Variants in SLC23A2 observed in about 807,000 individuals in gnomAD.
The protein encoded by SLC23A2 is solute carrier family 23 member 2, also known as Na(+)/L-ascorbic acid transporter 2.
Under a neutral mutation model 73.3 loss-of-function variants are expected in SLC23A2, and 36 were observed. The observed-to-expected ratio is 0.49, with a 90% CI of 0.38 to 0.65. The LOEUF is 0.65. Ranked by LOEUF, SLC23A2 falls within the 30% of genes least tolerant of loss-of-function variation. The probability of loss-of-function intolerance (pLI) is 0.00; values close to 1 mark genes in which losing one functional copy is unlikely to be tolerated. For missense variants in SLC23A2, 507 were observed against 841.6 expected (o/e 0.60, Z 4.92); for synonymous variants, 343 against 327.3 (o/e 1.05, Z -0.52).
At chr20:4,944,281 C>G (rs562454797) in intron 2 of SLC23A2, among the ~76,000 whole-genome samples, 24 of 152,226 alleles carry the variant, frequency 1.6e-4, no homozygotes, top group Admixed American at 1.3e-3. Context: ...GCTCCGTCGC[C>G]CAGGCTGGAG....
At chr20:4,978,649 A>G (rs2087681245) in intron 1 of SLC23A2, among the ~76,000 whole-genome samples, 1 of 152,218 alleles carries the variant, frequency 6.6e-6, no homozygotes. Context: ...CCCCAGAACC[A>G]GAACCCATAC....
At chr20:4,908,062 A>C (rs1321946410) in intron 4 of SLC23A2, among the ~76,000 whole-genome samples, 1 of 152,240 alleles carries the variant, frequency 6.6e-6, no homozygotes, top group East Asian at 1.9e-4. Context: ...AAAAAGATTA[A>C]AGAGAACTGA....
chr20:4,984,113 G>A (rs1039355547), intron 1 of SLC23A2, among the ~76,000 whole-genome samples: 4 of 152,028 alleles, frequency 2.6e-5, no homozygotes, highest in South Asian at 2.1e-4. Flanking sequence ...TAATTAAATG[G>A]GCAAAGAAAG....
intron 1 of SLC23A2, among the ~76,000 whole-genome samples, chr20:4,989,706 T>C (rs2087894753): frequency 6.6e-6 from 1 of 152,094 alleles, no homozygotes; most frequent in South Asian, 2.1e-4. Context: ...AAATAAAGTT[T>C]TGACTGCAAC....
chr20:4,877,901 G>T (rs1243730824), intron 9 of SLC23A2, among the ~76,000 whole-genome samples: 1 of 152,230 alleles, frequency 6.6e-6, no homozygotes, highest in African/African-American at 2.4e-5. Context: ...CCTTCCCTGA[G>T]ACTCCGTCTC....
rs1335428740 is a variant in SLC23A2, at chr20:4,932,706, T to C, written c.-144A>G. ...GCAGAGATGAGGCCTGCAAACGGCA[T>C]CTCTTAGCACCTAGAAAAGAAGAGC... On this transcript the variant is annotated 5_prime_UTR_variant, in exon 3 of 17. It removes an upstream start codon present in the reference 5' UTR. Coordinates refer to ENST00000338244, the MANE Select transcript of SLC23A2 (RefSeq NM_005116.6). The C allele has an allele frequency of 1.6e-6, 1 of 616,748 alleles. No individual in the cohort carries two copies. Among genetic ancestry groups the C allele is most frequent in the Non-Finnish European group, 2.9e-6 (1 of 344,840 alleles). 38.2% of individuals were successfully genotyped at this position (616,748 alleles called of 1,614,324 possible).
rs1313227942 is a variant in SLC23A2 at position 5,000,678 on chromosome 20, G to T, written c.-282+728C>A. Among the ~76,000 whole-genome samples the T allele has an allele frequency of 2.0e-5, 3 of 152,122 alleles. No individual in the cohort carries two copies. In the East Asian group the frequency reaches 5.8e-4, roughly 29 times the overall value. Reference sequence around the variant, plus strand: ...CGCTTAAACCCCCAGCCTGCAGGCCGACATCCTATCAGCCACCCATCCAAG... The same window carrying T: ...CGCTTAAACCCCCAGCCTGCAGGCCTACATCCTATCAGCCACCCATCCAAG... On this transcript the variant is annotated intron_variant, in intron 1 of 16. Coordinates refer to ENST00000338244, the MANE Select transcript of SLC23A2 (RefSeq NM_005116.6).
At chr20:4,984,461 G>A (rs894007662) in intron 1 of SLC23A2, among the ~76,000 whole-genome samples, 4 of 151,364 alleles carry the variant, frequency 2.6e-5, no homozygotes, top group African/African-American at 4.9e-5. Flanking sequence ...GCTGACGCAG[G>A]AGAATGGCAT....
chr20:4,870,057 T>G lies in SLC23A2; in HGVS notation c.1103-4A>C. 3.8e-6 allele frequency: 6 copies of G among 1,589,698 alleles called. No homozygotes were observed. The highest frequency in any genetic ancestry group is 5.1e-6 in the Non-Finnish European group (6 of 1,167,890). On this transcript the variant is annotated splice_polypyrimidine_tract_variant and splice_region_variant and intron_variant, in intron 11 of 16. Transcript: ENST00000338244. ...ACGGTGGGCAGTCCCCACTGAACTG[T>G]GGGAGGAAAACAACCATGAATGCTC...
chr20:4,981,322 A>C (rs1169925169), intron 1 of SLC23A2, among the ~76,000 whole-genome samples: 1 of 152,242 alleles, frequency 6.6e-6, no homozygotes, highest in African/African-American at 2.4e-5. Flanking sequence ...GTGACACATA[A>C]GGACCTGTAA....
chr20:4,997,834 T>C (rs1468840284), intron 1 of SLC23A2, among the ~76,000 whole-genome samples: 1 of 151,954 alleles, frequency 6.6e-6, no homozygotes, highest in Non-Finnish European at 1.5e-5. Context: ...CAGAGTCTTA[T>C]TATGTTGCCT....
Position 4,949,193 on chromosome 20 carries a change from C to T in SLC23A2, c.-154-16477G>A, listed in dbSNP as rs1017808651. Among the ~76,000 whole-genome samples the T allele has an allele frequency of 6.0e-5, 9 of 148,796 alleles. 1 individual carries two copies. The South Asian group carries it at 6.5e-4, about 11-fold the overall frequency. On this transcript the variant is annotated intron_variant, in intron 2 of 16. Coordinates refer to ENST00000338244, the MANE Select transcript of SLC23A2 (RefSeq NM_005116.6). ...ATCCCAGCTATTTGGGAGTCTGAGGCGGGAGAGTTGCTTGAACCTGGGAGG... is the reference window on the plus strand; with the variant it reads ...ATCCCAGCTATTTGGGAGTCTGAGGTGGGAGAGTTGCTTGAACCTGGGAGG...
rs141991295 is a variant in SLC23A2 at position 5,000,838 on chromosome 20, C to A, written c.-282+568G>T. ...CCCCAGGGAACAGGCCAGAAAGGCC[C>A]CGGGGTCGGAGGAGCTGCTTCTAAA... is the stretch of plus-strand genomic sequence containing the variant. On this transcript the variant is annotated intron_variant, in intron 1 of 16. Coordinates refer to ENST00000338244, the MANE Select transcript of SLC23A2 (RefSeq NM_005116.6). 8.4e-4 allele frequency among the ~76,000 whole-genome samples: 128 copies of A among 152,336 alleles called. 3 individuals are homozygous for A. The East Asian group carries it at 0.021, about 26-fold the overall frequency.
rs1004806674 is a variant in SLC23A2 at position 4,868,933 on chromosome 20, G to A, written c.1250+973C>T. ...ATTCCTGTCCCTATTTATATAAACT[G>A]TAACTGTGCATAGATTACACAGTGC... is the stretch of plus-strand genomic sequence containing the variant. On this transcript the variant is annotated intron_variant, in intron 12 of 16. Coordinates refer to ENST00000338244, the MANE Select transcript of SLC23A2 (RefSeq NM_005116.6). This position sits in a 1 kb window ranked among gnomAD's most constrained non-coding sequence, Gnocchi z 4.4. 14 of 152,158 alleles carry A rather than the reference G, an allele frequency of 9.2e-5. 1 individual carries two copies. Among genetic ancestry groups the A allele is most frequent in the African/African-American group, 3.4e-4 (14 of 41,440 alleles). 9.4% of individuals were successfully genotyped at this position (152,158 alleles called of 1,614,324 possible). A position where few individuals can be genotyped will look rare whatever the true frequency, so the allele number is the denominator to read the frequency against.
intron 3 of SLC23A2, among the ~76,000 whole-genome samples, chr20:4,917,450 G>A (rs1478220935): frequency 6.6e-6 from 1 of 152,146 alleles, no homozygotes; most frequent in African/African-American, 2.4e-5. Context: ...CGGGAGTAAA[G>A]TGTCCAGGCT....
chr20:4,945,672 G>A (rs2087109573), intron 2 of SLC23A2, among the ~76,000 whole-genome samples: 1 of 152,072 alleles, frequency 6.6e-6, no homozygotes, highest in Non-Finnish European at 1.5e-5. Context: ...TTAAAACAAT[G>A]GCATTTGACA....
At chr20:5,001,204 C>G (rs942126074) in intron 1 of SLC23A2, among the ~76,000 whole-genome samples, 1 of 150,888 alleles carries the variant, frequency 6.6e-6, no homozygotes, top group African/African-American at 2.4e-5. Flanking sequence ...CATCTTGGGC[C>G]CCGGGGCCAG....
Position 4,856,355 on chromosome 20 carries a change from C to G in SLC23A2, c.*617G>C, listed in dbSNP as rs190449853. On this transcript the variant is annotated 3_prime_UTR_variant, in exon 17 of 17. Coordinates refer to ENST00000338244, the MANE Select transcript of SLC23A2 (RefSeq NM_005116.6). This position sits in a 1 kb window ranked among gnomAD's most constrained non-coding sequence, Gnocchi z 4.6. ...TTCCTTTTCCCTCCAATGCCCCAAA[C>G]AGATGTTCATTCAACATCTGTGCAG... The G allele has an allele frequency of 2.6e-5, 4 of 152,278 alleles. No individual in the cohort carries two copies. Among genetic ancestry groups the G allele is most frequent in the African/African-American group, 7.2e-5 (3 of 41,446 alleles). The allele number at this position is 152,278 out of a possible 1,614,324, so 9.4% of individuals were successfully genotyped here. A position where few individuals can be genotyped will look rare whatever the true frequency, so the allele number is the denominator to read the frequency against.
Position 4,971,714 on chromosome 20 carries a change from G to A in SLC23A2, c.-281-795C>T, listed in dbSNP as rs533478418. 2.0e-5 allele frequency among the ~76,000 whole-genome samples: 3 copies of A among 152,108 alleles called. No individual in the cohort carries two copies. The East Asian group carries it at 5.8e-4, about 29-fold the overall frequency. ...AGGCAGGAGGATTCCTTGAGCCCAG[G>A]AGGTCAAGGCTGCAGTGAGCCATGA... On this transcript the variant is annotated intron_variant, in intron 1 of 16. Transcript: ENST00000338244.
Sources: gnomAD v4.1 joint callset for allele counts (sites outside exome capture counted in the v4.1 genomes callset) on GRCh38, gnomAD v4.1.1 for gene constraint, Gnocchi (gnomAD v3.1) non-coding constraint, MANE v1.5 for transcripts, NCBI Gene and HGNC (gene_info 2026-07-23, HGNC 2026-07-21) for gene names.